The following EIF4E3 variants were observed in gnomAD, a reference collection of about 807,000 sequenced individuals.
The protein encoded by EIF4E3 is eukaryotic translation initiation factor 4E family member 3, also known as eukaryotic translation initiation factor 4E type 3.
Under a neutral mutation model 31.7 loss-of-function variants are expected in EIF4E3, and 26 were observed. The observed-to-expected ratio is 0.82, with a 90% CI of 0.60 to 1.14. The LOEUF is 1.14. Among genes scored for constraint, EIF4E3 ranks in the 50% most tolerant of loss-of-function variants. EIF4E3 has a pLI of 0.00. For synonymous variants in EIF4E3, 128 were observed against 107.7 expected, an observed-to-expected ratio of 1.19 and a Z score of -1.17; for missense variants, 304 against 270.9, an observed-to-expected ratio of 1.12 and a Z score of -0.86.
At chr3:71,730,898 A>AT (rs2049699420) in intron 1 of EIF4E3, among the ~76,000 whole-genome samples, 1 of 151,856 alleles carries the variant, frequency 6.6e-6, no homozygotes. Context: ...TAATTTTTAA[A>AT]TTTTTTGTAG....
chr3:71,699,082 T>G (rs533907270), intron 3 of EIF4E3, among the ~76,000 whole-genome samples: 2 of 151,624 alleles, frequency 1.3e-5, no homozygotes, highest in Non-Finnish European at 2.9e-5. Flanking sequence ...AAAAAATTAG[T>G]TGGGGGTGGT....
intron 1 of EIF4E3, among the ~76,000 whole-genome samples, chr3:71,722,284 G>A (rs1559606598): frequency 6.6e-6 from 1 of 152,232 alleles, no homozygotes; most frequent in Non-Finnish European, 1.5e-5. Context: ...CATCCATGGA[G>A]ACAAAGGGGA....
chr3:71,699,799 T>G, intron 2 of EIF4E3, 91 bp from the exon 3 acceptor site: 1 of 1,053,558 alleles, frequency 9.5e-7, no homozygotes, highest in Non-Finnish European at 1.4e-6. Context: ...AAAGAAAAAT[T>G]TTGATTCTCA....
At chr3:71,742,931 C>T (rs981153504) in intron 1 of EIF4E3, among the ~76,000 whole-genome samples, 1 of 152,146 alleles carries the variant, frequency 6.6e-6, no homozygotes, top group African/African-American at 2.4e-5. Flanking sequence ...ATCCAACATT[C>T]ACTGCTGATT....
downstream of EIF4E3, among the ~76,000 whole-genome samples, chr3:71,674,090 CTTTTTTTTTTTTTTTTTTTT>C (rs71277509): frequency 8.0e-5 from 2 of 25,072 alleles, no homozygotes; most frequent in Non-Finnish European, 1.9e-4. Flanking sequence ...ATCAACTGTA[CTTTTTTTTTTTTTTTTTTTT>C]TTTTTTTTTT....
chr3:71,674,090 C>CTTT (rs71277509), downstream of EIF4E3, among the ~76,000 whole-genome samples: 295 of 25,064 alleles, frequency 0.012, 104 homozygotes, highest in Non-Finnish European at 0.021. Context: ...ATCAACTGTA[C>CTTT]TTTTTTTTTT....
rs1007528081 is a variant in EIF4E3, at chr3:71,679,405, T to C, written c.*5277A>G. The C allele has an allele frequency of 1.3e-5, 2 of 152,200 alleles. No individual in the cohort carries two copies. The highest frequency in any genetic ancestry group is 3.8e-4 in the East Asian group (2 of 5,204). The allele number at this position is 152,200 out of a possible 1,614,324, so 9.4% of individuals were successfully genotyped here. A position where few individuals can be genotyped will look rare whatever the true frequency, so the allele number is the denominator to read the frequency against. ...ACTTCGATATTAGAAATTGAAATTT[T>C]CATAAAGAAATCTTGCATTTCACTA... On this transcript the variant is annotated 3_prime_UTR_variant, in exon 7 of 7. Transcript: ENST00000425534.
chr3:71,738,386 G>A (rs1225831060), intron 1 of EIF4E3, among the ~76,000 whole-genome samples: 2 of 151,948 alleles, frequency 1.3e-5, no homozygotes, highest in Non-Finnish European at 2.9e-5. Flanking sequence ...GCAAAAAAAC[G>A]TGACGCAACA....
At chr3:71,720,494 C>T (rs2049531125) in intron 1 of EIF4E3, among the ~76,000 whole-genome samples, 1 of 152,118 alleles carries the variant, frequency 6.6e-6, no homozygotes. Flanking sequence ...CACATCCAGC[C>T]TAAGGGGTCC....
chr3:71,691,459 T>C (rs1437889787), intron 5 of EIF4E3, among the ~76,000 whole-genome samples: 1 of 152,216 alleles, frequency 6.6e-6, no homozygotes, highest in Non-Finnish European at 1.5e-5. Flanking sequence ...TGGCTAAATG[T>C]GTATGACTTG....
chr3:71,708,935 C>CA (rs1328401493), intron 2 of EIF4E3, among the ~76,000 whole-genome samples: 4 of 152,192 alleles, frequency 2.6e-5, no homozygotes, highest in Admixed American at 2.6e-4. Context: ...GTCATTTCCC[C>CA]AACGACACCA....
chr3:71,724,625 G>A (rs1303401047), intron 1 of EIF4E3, among the ~76,000 whole-genome samples: 1 of 152,208 alleles, frequency 6.6e-6, no homozygotes, highest in Non-Finnish European at 1.5e-5. Context: ...CACTGTAGGT[G>A]TTCAGGAAAT....
upstream of EIF4E3, chr3:71,754,023 C>CGGCCCCGGGGA (rs2049969613): frequency 8.8e-7 from 1 of 1,139,514 alleles, no homozygotes; most frequent in East Asian, 4.8e-5. The surrounding 1 kb of genome is among the most constrained non-coding windows in gnomAD (Gnocchi z 5.8). Flanking sequence ...GGCCCCGGGG[C>CGGCCCCGGGGA]GGAGCGCACG....
chr3:71,743,312 C>G (rs2049839140), intron 1 of EIF4E3, among the ~76,000 whole-genome samples: 1 of 151,964 alleles, frequency 6.6e-6, no homozygotes. Context: ...AGTCAATATA[C>G]AAAAATCAAT....
intron 6 of EIF4E3, among the ~76,000 whole-genome samples, chr3:71,687,610 T>C (rs2049010167): frequency 6.6e-6 from 1 of 152,254 alleles, no homozygotes; most frequent in South Asian, 2.1e-4. Flanking sequence ...GTCACTCAGC[T>C]GTTCTGAAGA....
downstream of EIF4E3, among the ~76,000 whole-genome samples, chr3:71,673,909 T>TTATATA (rs796175405): frequency 1.9e-4 from 26 of 138,100 alleles, no homozygotes; most frequent in East Asian, 4.9e-4. Context: ...AATATAATAA[T>TTATATA]TATATATATA....
At chr3:71,707,326 A>T (rs1338726818) in intron 2 of EIF4E3, among the ~76,000 whole-genome samples, 1 of 152,264 alleles carries the variant, frequency 6.6e-6, no homozygotes, top group Non-Finnish European at 1.5e-5. Context: ...TGGGACATCA[A>T]CCAAGGCATT....
intron 1 of EIF4E3, among the ~76,000 whole-genome samples, chr3:71,724,401 C>T (rs2049596461): frequency 1.3e-5 from 2 of 152,126 alleles, no homozygotes; most frequent in South Asian, 4.1e-4. Flanking sequence ...ATAATAAAAT[C>T]CAGCTGCATT....
intron 1 of EIF4E3, among the ~76,000 whole-genome samples, chr3:71,741,194 G>GCGCACACACA (rs1553669128): frequency 2.0e-5 from 3 of 149,224 alleles, no homozygotes; most frequent in East Asian, 2.0e-4. Context: ...ACATGCACGC[G>GCGCACACACA]CACACACACA....
Sources: gnomAD v4.1 joint callset for allele counts (sites outside exome capture counted in the v4.1 genomes callset) on GRCh38, gnomAD v4.1.1 for gene constraint, Gnocchi (gnomAD v3.1) non-coding constraint, MANE v1.5 for transcripts, NCBI Gene and HGNC (gene_info 2026-07-23, HGNC 2026-07-21) for gene names.